Variants in RANBP2 observed in about 807,000 individuals in gnomAD.
RANBP2 encodes the protein RAN binding protein 2, also known as E3 SUMO-protein ligase RanBP2.
RANBP2 carries 57 observed loss-of-function variants against 303.6 expected under a neutral mutation model. The observed-to-expected ratio is 0.19, with a 90% CI of 0.15 to 0.23. The LOEUF (loss-of-function observed/expected upper bound fraction) is 0.23, where lower values mean the gene tolerates loss of function less well. Among genes scored for constraint, RANBP2 ranks in the 10% least tolerant of loss-of-function variants. The pLI is 1.00. For synonymous variants in RANBP2, 1,167 were observed against 1,301.5 expected (o/e 0.90, Z 2.23); for missense variants, 3,138 against 3,780.8 (o/e 0.83, Z 4.46).
chr2:108,969,035 G>A, the RANBP2 span, among the ~76,000 whole-genome samples: 2 of 152,144 alleles, frequency 1.3e-5, no homozygotes, highest in African/African-American at 4.8e-5. Context: ...GCCACCTCAA[G>A]GGATCCCTCA....
the RANBP2 span, among the ~76,000 whole-genome samples, chr2:109,298,348 C>T: frequency 2.0e-5 from 3 of 152,120 alleles, no homozygotes; most frequent in Non-Finnish European, 4.4e-5. Flanking sequence ...CCCTGCAGTT[C>T]TGGAGCCTGG....
chr2:109,260,057 A>G, the RANBP2 span, among the ~76,000 whole-genome samples: 1 of 152,028 alleles, frequency 6.6e-6, no homozygotes, highest in Admixed American at 6.5e-5. Context: ...GTTATTTGTG[A>G]TGTTTATCTC....
intron 15 of RANBP2, 121 bp downstream of exon 15, chr2:108,754,092 G>A: frequency 1.2e-6 from 2 of 1,603,160 alleles, no homozygotes; most frequent in Non-Finnish European, 1.7e-6. Context: ...TTAATGCACA[G>A]AAGGGATATG....
the RANBP2 span, chr2:109,449,473 A>G: frequency 3.7e-6 from 6 of 1,613,940 alleles, no homozygotes; most frequent in African/African-American, 4.0e-5. Context: ...AAACTAGACG[A>G]GAAGAAAAGT....
the RANBP2 span, chr2:109,436,885 C>G: frequency 6.2e-7 from 1 of 1,612,002 alleles, no homozygotes; most frequent in Non-Finnish European, 8.5e-7. Context: ...TCTGCTTTCT[C>G]TCCACAGGGT....
the RANBP2 span, among the ~76,000 whole-genome samples, chr2:109,078,094 A>ATATATATATATAGCGTG: frequency 1.0e-4 from 1 of 9,694 alleles, no homozygotes; most frequent in African/African-American, 1.9e-4. Context: ...ATATATATAT[A>ATATATATATATAGCGTG]TATATATATA....
the RANBP2 span, among the ~76,000 whole-genome samples, chr2:109,369,489 C>A: frequency 6.6e-6 from 1 of 152,170 alleles, no homozygotes; most frequent in East Asian, 1.9e-4. Flanking sequence ...ATGCTCTTTA[C>A]GTTTTTCTGG....
the RANBP2 span, among the ~76,000 whole-genome samples, chr2:109,107,448 C>T: frequency 1.3e-5 from 2 of 152,146 alleles, no homozygotes; most frequent in Non-Finnish European, 2.9e-5. Flanking sequence ...AGGAGCAGTA[C>T]CCAGTCTCTG....
At chr2:109,064,317 A>G in the RANBP2 span, among the ~76,000 whole-genome samples, 1 of 151,938 alleles carries the variant, frequency 6.6e-6, no homozygotes, top group African/African-American at 2.4e-5. Context: ...TTAGCCGGGC[A>G]TGGTGTCGGG....
At chr2:109,410,856 CA>C in the RANBP2 span, among the ~76,000 whole-genome samples, 78,654 of 151,994 alleles carry the variant, frequency 0.52, 20,628 homozygotes, top group Middle Eastern at 0.58. Context: ...CAGAGATTTC[CA>C]TTGGATGATC....
the RANBP2 span, chr2:109,129,229 C>A: frequency 1.1e-5 from 6 of 552,446 alleles, no homozygotes; most frequent in Non-Finnish European, 1.3e-5. Flanking sequence ...GCTTCGTGCC[C>A]GGCAGCACCC....
chr2:109,076,674 A>G, the RANBP2 span, among the ~76,000 whole-genome samples: 8 of 150,632 alleles, frequency 5.3e-5, 1 homozygote, highest in Non-Finnish European at 1.2e-4. Context: ...TTAGAAATAA[A>G]TTTAACCAAG....
At chr2:108,932,548 A>AG in the RANBP2 span, among the ~76,000 whole-genome samples, 3 of 151,120 alleles carry the variant, frequency 2.0e-5, no homozygotes, top group African/African-American at 7.3e-5. Flanking sequence ...AAAAAAAAAA[A>AG]AAAAGAAAGA....
At chr2:109,522,394 G>A in the RANBP2 span, among the ~76,000 whole-genome samples, 8,581 of 151,722 alleles carry the variant, frequency 0.057, 831 homozygotes, top group African/African-American at 0.2. Context: ...TGGGTTCAAG[G>A]GATTCTCCTG....
At chr2:109,509,809 G>A in the RANBP2 span, among the ~76,000 whole-genome samples, 2 of 152,036 alleles carry the variant, frequency 1.3e-5, no homozygotes, top group South Asian at 2.1e-4. Context: ...TGGGGGCTAG[G>A]ACTTCAACAT....
the RANBP2 span, among the ~76,000 whole-genome samples, chr2:109,141,961 A>G: frequency 1.3e-5 from 2 of 151,850 alleles, no homozygotes; most frequent in Non-Finnish European, 2.9e-5. Flanking sequence ...GTCTCAAACA[A>G]ACTTCTGTGA....
At chr2:109,553,655 C>T in the RANBP2 span, among the ~76,000 whole-genome samples, 7 of 151,916 alleles carry the variant, frequency 4.6e-5, 1 homozygote, top group African/African-American at 1.7e-4. Flanking sequence ...GAGTTCAAGA[C>T]CAGCCTGGCC....
At chr2:108,901,380 CAAGTT>C in the RANBP2 span, among the ~76,000 whole-genome samples, 41 of 152,252 alleles carry the variant, frequency 2.7e-4, no homozygotes, top group African/African-American at 9.6e-4. Flanking sequence ...GAGGAAAACT[CAAGTT>C]AACAATCTAA....
At chr2:109,307,748 C>T in the RANBP2 span, among the ~76,000 whole-genome samples, 130 of 149,236 alleles carry the variant, frequency 8.7e-4, no homozygotes, top group Non-Finnish European at 1.2e-3. Context: ...ACAAAGGACA[C>T]GAACTCATCA....
Sources: gnomAD v4.1 joint callset for allele counts (sites outside exome capture counted in the v4.1 genomes callset) on GRCh38, gnomAD v4.1.1 for gene constraint, MANE v1.5 for transcripts, NCBI Gene and HGNC (gene_info 2026-07-23, HGNC 2026-07-21) for gene names.